Variants in PDK4 observed in about 807,000 individuals in gnomAD.
PDK4 encodes the protein pyruvate dehydrogenase kinase 4.
Under a neutral mutation model 51.7 loss-of-function variants are expected in PDK4, and 43 were observed. That is an observed-to-expected ratio of 0.83 (90% confidence interval 0.65 to 1.07). The LOEUF is 1.07. PDK4 is among the 50% of genes least tolerant of loss of function. The pLI is 0.00. For missense variants in PDK4, 498 were observed against 503.5 expected, an observed-to-expected ratio of 0.99 and a Z score of 0.10; for synonymous variants, 170 against 176.6, an observed-to-expected ratio of 0.96 and a Z score of 0.30.
chr7:95,592,928 T>G lies in PDK4; in HGVS notation c.361A>C (p.Ile121Leu). ...KALSDFVDTL[I>L]KVRNRHHNVV... ...TTATGGTGTCTATTTCGAACTTTGATGAGTGTATCTACAAAGCTAAGCCAC... is the reference window on the plus strand; with the variant it reads ...TTATGGTGTCTATTTCGAACTTTGAGGAGTGTATCTACAAAGCTAAGCCAC... The change falls in exon 4 of 11, where the codon ATC becomes CTC. Residue 121 changes from isoleucine (I) to leucine (L), a missense_variant. Coordinates refer to ENST00000005178, the MANE Select transcript of PDK4 (RefSeq NM_002612.4). 6.3e-7 allele frequency: 1 copy of G among 1,598,288 alleles called. No homozygotes were observed.
Position 95,596,407 on chromosome 7 carries a change from C to T in PDK4, c.-114G>A. ...CGCGTCCGGGCGAGGACTGCAGGTG[C>T]GCTGGCTGGCTTGTGCGCCCCGGCC... On this transcript the variant is annotated 5_prime_UTR_variant, in exon 1 of 11. Transcript: ENST00000005178. 3 of 1,223,812 alleles carry T rather than the reference C, an allele frequency of 2.5e-6. No homozygotes were observed. In the African/African-American group the frequency reaches 4.8e-5, roughly 20 times the overall value. 75.8% of individuals were successfully genotyped at this position (1,223,812 alleles called of 1,614,324 possible).
At chr7:95,588,938 C>T (rs903181813) in intron 7 of PDK4, among the ~76,000 whole-genome samples, 8 of 152,124 alleles carry the variant, frequency 5.3e-5, no homozygotes, top group African/African-American at 1.9e-4. Context: ...GGGGTAGAGC[C>T]CAAGAATCTG....
At chr7:95,586,917 G>C (rs985286918) in intron 10 of PDK4, 93 bp downstream of exon 10, 9 of 685,906 alleles carry the variant, frequency 1.3e-5, no homozygotes, top group Non-Finnish European at 2.3e-5. Flanking sequence ...CATTAACTCA[G>C]TTTGGGGAAT....
intron 2 of PDK4, 36 bp from the exon 3 acceptor site, chr7:95,593,806 T>A: frequency 1.1e-6 from 1 of 929,140 alleles, no homozygotes; most frequent in Non-Finnish European, 1.7e-6. Context: ...GTTTTAAAAT[T>A]AATAGTCAGA....
In PDK4 at chr7:95,583,684, T is replaced by C. The variant is rs1238485475; in HGVS notation, c.*1957A>G. On this transcript the variant is annotated 3_prime_UTR_variant, in exon 11 of 11. Transcript: ENST00000005178. Reference sequence around the variant, plus strand: ...GCCAATGTAGATTATTTCTATTTTATCAAAGTTCATTTGCACAGTTGGTGT... The same window carrying C: ...GCCAATGTAGATTATTTCTATTTTACCAAAGTTCATTTGCACAGTTGGTGT... 2 of 152,654 alleles carry C rather than the reference T, an allele frequency of 1.3e-5. No homozygotes were observed. Among genetic ancestry groups the C allele is most frequent in the Non-Finnish European group, 2.9e-5 (2 of 68,036 alleles). The allele number at this position is 152,654 out of a possible 1,614,324, so 9.5% of individuals were successfully genotyped here.
intron 1 of PDK4, among the ~76,000 whole-genome samples, chr7:95,595,915 A>T (rs990849365): frequency 6.6e-6 from 1 of 152,080 alleles, no homozygotes; most frequent in Non-Finnish European, 1.5e-5. Context: ...CAGAAAGAAG[A>T]GTGTGCAGAT....
At chr7:95,593,661 C>T in intron 3 of PDK4, 38 bp downstream of exon 3, 1 of 986,624 alleles carries the variant, frequency 1.0e-6, no homozygotes, top group Non-Finnish European at 1.6e-6. Context: ...TGGAAAGAAC[C>T]AAAGTTTTAA....
At position 95,584,425 on chromosome 7, in the gene PDK4, C is replaced by T. The variant is rs1230085010; in HGVS notation, c.*1216G>A. The T allele has an allele frequency of 6.6e-6, 1 of 152,094 alleles. No individual in the cohort carries two copies. Among genetic ancestry groups the T allele is most frequent in the East Asian group, 1.9e-4 (1 of 5,186 alleles). 9.4% of individuals were successfully genotyped at this position (152,094 alleles called of 1,614,324 possible). A position where few individuals can be genotyped will look rare whatever the true frequency, so the allele number is the denominator to read the frequency against. ...TGCCAACCTTCAAATTATACCTTAACTCTCCCAAAAATACCATATGCATTT... is the reference window on the plus strand; with the variant it reads ...TGCCAACCTTCAAATTATACCTTAATTCTCCCAAAAATACCATATGCATTT... On this transcript the variant is annotated 3_prime_UTR_variant, in exon 11 of 11. Coordinates refer to ENST00000005178, the MANE Select transcript of PDK4 (RefSeq NM_002612.4).
At position 95,587,538 on chromosome 7, in the gene PDK4, A is replaced by G; in HGVS notation, c.871-10T>C. ...CTCCTCTGTCTGAAATCTAAAACAA[A>G]CAAACAAGTCATCAAAGCCACACAT... On this transcript the variant is annotated splice_polypyrimidine_tract_variant and intron_variant, in intron 8 of 10. Coordinates refer to ENST00000005178, the MANE Select transcript of PDK4 (RefSeq NM_002612.4). 6.6e-7 allele frequency: 1 copy of G among 1,520,784 alleles called. No homozygotes were observed. Among genetic ancestry groups the G allele is most frequent in the Non-Finnish European group, 9.1e-7 (1 of 1,094,768 alleles). 94.2% of individuals were successfully genotyped at this position (1,520,784 alleles called of 1,614,324 possible). A position where few individuals can be genotyped will look rare whatever the true frequency, so the allele number is the denominator to read the frequency against.
chr7:95,592,561 C>G lies in PDK4; in HGVS notation c.566G>C (p.Ser189Thr). The G allele has an allele frequency of 6.2e-7, 1 of 1,610,954 alleles. No homozygotes were observed. The highest frequency in any genetic ancestry group is 8.5e-7 in the Non-Finnish European group (1 of 1,177,250). The change falls in exon 5 of 11, where the codon AGC becomes ACC. Residue 189 changes from serine (S) to threonine (T), a missense_variant. Physicochemically the swap from Ser to Thr is moderately conservative, Grantham distance 58 (BLOSUM62 1). Coordinates refer to ENST00000005178, the MANE Select transcript of PDK4 (RefSeq NM_002612.4). ...GTTAGGATCAATGCTTCCAATGTGGCTTGGGTTTCCTGTCTGTGAGTCACT... is the reference window on the plus strand; with the variant it reads ...GTTAGGATCAATGCTTCCAATGTGGGTTGGGTTTCCTGTCTGTGAGTCACT... ...IFSDSQTGNP[S>T]HIGSIDPNCD...
intron 5 of PDK4, 21 bp downstream of exon 5, chr7:95,592,490 G>C (rs780745837): frequency 1.5e-6 from 2 of 1,350,406 alleles, no homozygotes; most frequent in African/African-American, 2.9e-5. Context: ...AATAAGGGAA[G>C]TGCAGAAATA....
chr7:95,596,193 G>C lies in PDK4; in HGVS notation c.101C>G (p.Pro34Arg). The C allele has an allele frequency of 6.9e-6, 11 of 1,603,746 alleles. No homozygotes were observed. The highest frequency in any genetic ancestry group is 2.3e-5 in the East Asian group (1 of 43,258). The stretch of plus-strand genomic sequence containing the variant: ...GTCCAGTAGCTGCTTCATGGACAGC[G>C]GGGACGGGCTGTAGCGCGAGAAATG... ...VEHFSRYSPS[P>R]LSMKQLLDFG... is the part of the protein sequence containing the mutation. Residue 34 changes from proline to arginine, a missense_variant, in exon 1 of 11, where the codon CCG becomes CGG. Physicochemically the swap from Pro to Arg is moderately radical, Grantham distance 103. Coordinates refer to ENST00000005178, the MANE Select transcript of PDK4 (RefSeq NM_002612.4).
In PDK4 at chr7:95,585,660, G is replaced by T; in HGVS notation, c.1217C>A (p.Ala406Glu). 6.2e-7 allele frequency: 1 copy of T among 1,609,052 alleles called. No homozygotes were observed. Among genetic ancestry groups the T allele is most frequent in the Non-Finnish European group, 8.5e-7 (1 of 1,176,512 alleles). Residue 406 changes from alanine to glutamate, a missense_variant, in exon 11 of 11, where the codon GCA (alanine) becomes GAA (glutamate). Physicochemically the swap from Ala to Glu is moderately radical, Grantham distance 107 (BLOSUM62 -1). Transcript: ENST00000005178. ...CCCTCTTCACATGGCCACTTCTTTT[G>T]CCAGGTTCTTTGGTTCCCTGCTTGG... ...CIPSREPKNL[A>E]KEVAM
intron 6 of PDK4, 132 bp downstream of exon 6, chr7:95,591,856 A>T (rs975639643): frequency 8.0e-6 from 4 of 501,058 alleles, no homozygotes; most frequent in Non-Finnish European, 1.4e-5. Flanking sequence ...CCTTGTCTTC[A>T]AAAAAAATGT....
At position 95,592,531 on chromosome 7, in the gene PDK4, TCA is replaced by T. The variant is rs753091810; in HGVS notation, c.594_595del (p.Cys198Ter). 8.1e-6 allele frequency: 13 copies of T among 1,605,176 alleles called. No individual in the cohort carries two copies. The African/African-American group carries it at 1.2e-4, about 15-fold the overall frequency. ...CATACCTTGGACCACTGCTACCACA[TCA>T]CAGTTAGGATCAATGCTTCCAATGT... is the stretch of plus-strand genomic sequence containing the variant. On this transcript the variant is annotated stop_gained and frameshift_variant, in exon 5 of 11. Transcript: ENST00000005178. LOFTEE classifies it high-confidence loss of function.
rs1415361780 is a variant in PDK4 at position 95,584,168 on chromosome 7, A to G, written c.*1473T>C. 6.6e-6 allele frequency: 1 copy of G among 152,190 alleles called. No homozygotes were observed. Among genetic ancestry groups the G allele is most frequent in the Non-Finnish European group, 1.5e-5 (1 of 68,030 alleles). The allele number at this position is 152,190 out of a possible 1,614,324, so 9.4% of individuals were successfully genotyped here. A position where few individuals can be genotyped will look rare whatever the true frequency, so the allele number is the denominator to read the frequency against. ...TAAGTTTATTATCTCAAAGCCTACT[A>G]TCTTGTAAGAGTGAGAGGCATTTAA... On this transcript the variant is annotated 3_prime_UTR_variant, in exon 11 of 11. Coordinates refer to ENST00000005178, the MANE Select transcript of PDK4 (RefSeq NM_002612.4).
rs1408877511 is a variant in PDK4, at chr7:95,585,429, G to A, written c.*212C>T. On this transcript the variant is annotated 3_prime_UTR_variant, in exon 11 of 11. Transcript: ENST00000005178. ...GAGTTATTCTACATTAAAAAATAAG[G>A]AGCTGGCCATCTGTTAACTCCTGTA... 2.5e-6 allele frequency: 1 copy of A among 393,668 alleles called. No individual in the cohort carries two copies. Among genetic ancestry groups the A allele is most frequent in the Non-Finnish European group, 4.5e-6 (1 of 221,024 alleles). The allele number at this position is 393,668 out of a possible 1,614,324, so 24.4% of individuals were successfully genotyped here.
chr7:95,587,631 G>T, intron 8 of PDK4, 96 bp downstream of exon 8: 4 of 1,134,910 alleles, frequency 3.5e-6, no homozygotes, highest in South Asian at 2.5e-5. Context: ...TGGCATATAT[G>T]ACTGTTATCT....
rs776203118 is a variant in PDK4, at chr7:95,592,804, A to G, written c.485T>C (p.Phe162Ser). 1.2e-5 allele frequency: 20 copies of G among 1,613,418 alleles called. No homozygotes were observed. Among genetic ancestry groups the G allele is most frequent in the Non-Finnish European group, 1.5e-5 (18 of 1,179,596 alleles). The part of the protein sequence containing the change: ...NQNLQYFLDR[F>S]YMNRISTRML... ...CCGAGTAGAAATACGGTTCATGTAA[A>G]ATCGATCCAAGAAATATTGAAGATT... The change falls in exon 4 of 11, where the codon TTT becomes TCT. Residue 162 changes from phenylalanine (F) to serine (S), a missense_variant. Physicochemically the swap from Phe to Ser is radical, Grantham distance 155. Transcript: ENST00000005178.
Sources: allele counts gnomAD v4.1 joint callset (sites outside exome capture counted in the v4.1 genomes callset), GRCh38; gene constraint gnomAD v4.1.1; transcripts MANE v1.5; gene names NCBI Gene and HGNC (gene_info 2026-07-23, HGNC 2026-07-21).